Variants in NCAM2 observed in about 807,000 individuals in gnomAD.
NCAM2 encodes the protein N-CAM-2.
A neutral mutation model predicts 98.1 loss-of-function variants in NCAM2; 30 were observed. The ratio of observed to expected loss-of-function variants is 0.31; its 90% CI spans 0.23 to 0.41. NCAM2 has a LOEUF of 0.41. Ranked by LOEUF, NCAM2 falls within the 10% of genes least tolerant of loss-of-function variation. The pLI, the probability that NCAM2 is intolerant of heterozygous loss-of-function variation, is 1.00. For synonymous variants in NCAM2, 368 were observed against 342.4 expected (o/e 1.07, Z -0.83); for missense variants, 867 against 1,005.8 (o/e 0.86, Z 1.87).
intron 1 of NCAM2, among the ~76,000 whole-genome samples, chr21:21,121,330 A>G (rs753157405): frequency 2.0e-5 from 3 of 152,160 alleles, no homozygotes; most frequent in Admixed American, 6.5e-5. Context: ...AATGTATTTA[A>G]TAAGACAGTA....
intron 14 of NCAM2, among the ~76,000 whole-genome samples, chr21:21,472,580 CTA>C (rs1984583642): frequency 6.6e-6 from 1 of 151,738 alleles, no homozygotes. Context: ...TATAGATAGA[CTA>C]TGTGTTGTCT....
intron 1 of NCAM2, among the ~76,000 whole-genome samples, chr21:21,229,914 TAA>T (rs2070551988): frequency 6.6e-6 from 1 of 151,494 alleles, no homozygotes; most frequent in African/African-American, 2.4e-5. Flanking sequence ...GAGATTACAT[TAA>T]GTCTTGTATA....
At chr21:21,071,922 TA>T (rs1568991574) in intron 1 of NCAM2, among the ~76,000 whole-genome samples, 3 of 142,380 alleles carry the variant, frequency 2.1e-5, no homozygotes, top group African/African-American at 8.9e-5. Context: ...TATCTATCTA[TA>T]TTTTTTTGAG....
chr21:21,452,168 C>CCA (rs10591491), intron 12 of NCAM2, among the ~76,000 whole-genome samples: 4,233 of 144,916 alleles, frequency 0.029, 83 homozygotes, highest in South Asian at 0.051. Context: ...TGTGAACTGA[C>CCA]CACACACACA....
chr21:21,398,893 G>GTACA (rs2076571261), intron 9 of NCAM2, among the ~76,000 whole-genome samples: 1 of 152,232 alleles, frequency 6.6e-6, no homozygotes, highest in African/African-American at 2.4e-5. Flanking sequence ...AAACATGAGA[G>GTACA]ATGAGAGTTG....
chr21:21,216,598 T>C (rs73316722), intron 1 of NCAM2, among the ~76,000 whole-genome samples: 2,208 of 152,328 alleles, frequency 0.014, 60 homozygotes, highest in African/African-American at 0.051. Context: ...TTAGGGAACA[T>C]AGCCAAATGC....
At chr21:21,440,620 G>A (rs1350113125) in intron 12 of NCAM2, among the ~76,000 whole-genome samples, 1 of 151,902 alleles carries the variant, frequency 6.6e-6, no homozygotes, top group Non-Finnish European at 1.5e-5. Context: ...GGCAGAGGTT[G>A]CAGTGAGCTG....
chr21:21,340,159 G>C (rs532050267), intron 8 of NCAM2, among the ~76,000 whole-genome samples: 2 of 151,738 alleles, frequency 1.3e-5, no homozygotes, highest in Non-Finnish European at 3.0e-5. Flanking sequence ...ATTTAGATTA[G>C]ATCACTCAAA....
At chr21:21,450,049 A>G (rs1980791174) in intron 12 of NCAM2, among the ~76,000 whole-genome samples, 1 of 152,048 alleles carries the variant, frequency 6.6e-6, no homozygotes, top group African/African-American at 2.4e-5. Flanking sequence ...GCCTTTTTAC[A>G]AAATCTCCAT....
chr21:21,280,851 G>A (rs1227252318), intron 2 of NCAM2, among the ~76,000 whole-genome samples, 199 bp downstream of exon 2: 3 of 151,204 alleles, frequency 2.0e-5, no homozygotes, highest in Non-Finnish European at 3.0e-5. Context: ...GTGTGATCTC[G>A]GCTCACTGCA....
At chr21:21,500,477 T>C (rs1987554358) in intron 15 of NCAM2, among the ~76,000 whole-genome samples, 1 of 152,110 alleles carries the variant, frequency 6.6e-6, no homozygotes, top group Admixed American at 6.6e-5. Flanking sequence ...ATTGCTAGTA[T>C]CAGTGGTTCC....
intron 1 of NCAM2, among the ~76,000 whole-genome samples, chr21:21,174,158 C>T (rs907424385): frequency 3.3e-5 from 5 of 152,064 alleles, no homozygotes; most frequent in East Asian, 1.9e-4. Flanking sequence ...AACCTCAGAT[C>T]GTGATCTGCC....
intron 5 of NCAM2, among the ~76,000 whole-genome samples, chr21:21,318,419 C>T (rs947644023): frequency 1.3e-5 from 2 of 152,052 alleles, no homozygotes; most frequent in African/African-American, 4.8e-5. Flanking sequence ...TCAACTGTAA[C>T]TTTTCACTTA....
intron 6 of NCAM2, among the ~76,000 whole-genome samples, chr21:21,334,823 A>G (rs2074814776): frequency 6.6e-6 from 1 of 152,082 alleles, no homozygotes. Context: ...CTTAGACTAG[A>G]ATGGAGCAGA....
intron 16 of NCAM2, among the ~76,000 whole-genome samples, chr21:21,523,314 C>T (rs778899395): frequency 1.3e-5 from 2 of 151,784 alleles, no homozygotes; most frequent in East Asian, 1.9e-4. Flanking sequence ...AGTAGTTTCA[C>T]GGGTTCAGAT....
At chr21:21,450,302 T>TTGTG (rs144156360) in intron 12 of NCAM2, among the ~76,000 whole-genome samples, 4 of 148,172 alleles carry the variant, frequency 2.7e-5, no homozygotes, top group African/African-American at 2.5e-5. Flanking sequence ...GTGTGTGTGT[T>TTGTG]TGTGTGTGTG....
intron 1 of NCAM2, among the ~76,000 whole-genome samples, chr21:21,081,049 T>C (rs2146404448): frequency 6.6e-6 from 1 of 152,230 alleles, no homozygotes; most frequent in African/African-American, 2.4e-5. Context: ...ACTTCCAGGA[T>C]CTTGCGTTAC....
intron 1 of NCAM2, among the ~76,000 whole-genome samples, chr21:21,115,255 T>C (rs1016945230): frequency 2.0e-5 from 3 of 152,224 alleles, no homozygotes; most frequent in Non-Finnish European, 2.9e-5. Flanking sequence ...GAAATAATTT[T>C]ATTAGAGCTT....
intron 1 of NCAM2, among the ~76,000 whole-genome samples, chr21:21,005,516 T>G (rs1406031991): frequency 6.6e-6 from 1 of 152,160 alleles, no homozygotes; most frequent in African/African-American, 2.4e-5. Flanking sequence ...GATAAAAATG[T>G]CAATAAATTT....
Sources: gnomAD v4.1 joint callset for allele counts (sites outside exome capture counted in the v4.1 genomes callset) on GRCh38, gnomAD v4.1.1 for gene constraint, MANE v1.5 for transcripts, NCBI Gene and HGNC (gene_info 2026-07-23, HGNC 2026-07-21) for gene names.